Variants in CACNA1C observed in about 807,000 individuals in gnomAD.
The protein encoded by CACNA1C is voltage-dependent L-type calcium channel subunit alpha-1C.
A neutral mutation model predicts 229.0 loss-of-function variants in CACNA1C; 30 were observed. The observed-to-expected ratio is 0.13, with a 90% CI of 0.10 to 0.18. The LOEUF (loss-of-function observed/expected upper bound fraction) is 0.18. CACNA1C is among the 10% of genes least tolerant of loss of function. CACNA1C has a pLI of 1.00. For synonymous variants in CACNA1C, 1,114 were observed against 1,132.5 expected (o/e 0.98, Z 0.33); for missense variants, 1,658 against 2,845.0 (o/e 0.58, Z 9.49).
At chr12:2,375,546 TC>T (rs550067977) in intron 3 of CACNA1C, among the ~76,000 whole-genome samples, 201 of 152,312 alleles carry the variant, frequency 1.3e-3, no homozygotes, top group Middle Eastern at 3.4e-3. Context: ...TTTACAAAGC[TC>T]TTCCTTGATG....
At chr12:2,418,662 T>C (rs1457249787) in intron 3 of CACNA1C, among the ~76,000 whole-genome samples, 1 of 152,102 alleles carries the variant, frequency 6.6e-6, no homozygotes, top group African/African-American at 2.4e-5. Flanking sequence ...CTCCAGCAAG[T>C]AAAATGAGTT....
At chr12:2,091,770 AG>A (rs2071208259) in intron 1 of CACNA1C, among the ~76,000 whole-genome samples, 1 of 152,242 alleles carries the variant, frequency 6.6e-6, no homozygotes, top group South Asian at 2.1e-4. Context: ...TGTGGAAGGC[AG>A]GGGTAAGAGC....
At position 2,112,973 on chromosome 12, in the gene CACNA1C, C is replaced by T. The variant is rs567413842; in HGVS notation, c.50-2251C>T. Among the ~76,000 whole-genome samples the T allele has an allele frequency of 8.6e-4, 131 of 152,308 alleles. 1 individual carries two copies. Among genetic ancestry groups the T allele is most frequent in the African/African-American group, 2.5e-3 (104 of 41,556 alleles). ...CTACCAAGCATATTAGCTCGTTTTT[C>T]GGTTGCAAGGGACAGAGACCCAATT... On this transcript the variant is annotated intron_variant, in intron 1 of 46. Transcript: ENST00000399655.
At chr12:2,139,773 G>A (rs533209025) in intron 3 of CACNA1C, among the ~76,000 whole-genome samples, 1 of 151,318 alleles carries the variant, frequency 6.6e-6, no homozygotes, top group East Asian at 1.9e-4. Context: ...TCCTCTGCCC[G>A]CTGGCCTCAG....
intron 1 of CACNA1C, among the ~76,000 whole-genome samples, chr12:2,047,158 A>G (rs921544942): frequency 6.6e-6 from 1 of 152,222 alleles, no homozygotes; most frequent in Non-Finnish European, 1.5e-5. Flanking sequence ...TTGCTGACAA[A>G]GCAATCTTCC....
chr12:2,213,662 T>C (rs1349838375), intron 3 of CACNA1C, among the ~76,000 whole-genome samples: 1 of 152,220 alleles, frequency 6.6e-6, no homozygotes, highest in East Asian at 1.9e-4. Flanking sequence ...TGGAGCTATC[T>C]TTCTGGCCAT....
chr12:2,355,578 A>G (rs1425815352), intron 3 of CACNA1C, among the ~76,000 whole-genome samples: 2 of 152,180 alleles, frequency 1.3e-5, no homozygotes, highest in African/African-American at 2.4e-5. Context: ...CCCAGCCCAA[A>G]TGTCACTTTG....
Position 2,608,676 on chromosome 12 carries a change from G to A in CACNA1C, c.3522G>A (p.Glu1174=), listed in dbSNP as rs779571274. ...FVIVTFQEQG[E]QEYKNCELDK... is the part of the protein sequence containing the mutation. Reference sequence around the variant, plus strand: ...TCGTCACCTTTCAGGAGCAGGGGGAGCAGGAGTACAAGAACTGTGAGCTGG... The same window carrying A: ...TCGTCACCTTTCAGGAGCAGGGGGAACAGGAGTACAAGAACTGTGAGCTGG... The change falls in exon 27 of 47, where the codon GAG becomes GAA. Residue 1174 remains glutamate, a synonymous_variant. Transcript: ENST00000399655. This position sits in a 1 kb window ranked among gnomAD's most constrained non-coding sequence, Gnocchi z 4.2. 3 of 1,614,200 alleles carry A rather than the reference G, an allele frequency of 1.9e-6. No individual in the cohort carries two copies. The highest frequency in any genetic ancestry group is 2.2e-5 in the East Asian group (1 of 44,882).
rs537260718 is a variant in CACNA1C, at chr12:2,159,511, A to T, written c.477+39081A>T. On this transcript the variant is annotated intron_variant, in intron 3 of 46. Coordinates refer to ENST00000399655, the MANE Select transcript of CACNA1C (RefSeq NM_000719.7). Reference sequence around the variant, plus strand: ...CCTGTCAATAAATAAATAAATAAATAAATTAAATGTATGCATAAGAGATAA... The same window carrying T: ...CCTGTCAATAAATAAATAAATAAATTAATTAAATGTATGCATAAGAGATAA... Among the ~76,000 whole-genome samples the T allele has an allele frequency of 1.2e-3, 184 of 152,096 alleles. 2 individuals are homozygous for T. The highest frequency in any genetic ancestry group is 3.4e-3 in the Middle Eastern group (1 of 294).
intron 3 of CACNA1C, among the ~76,000 whole-genome samples, chr12:2,318,726 A>C (rs1296167453): frequency 6.6e-6 from 1 of 152,144 alleles, no homozygotes. Flanking sequence ...TAGGTACCAA[A>C]GAAAGAGAAT....
chr12:1,980,511 T>C (rs1009254113), intron 1 of CACNA1C, among the ~76,000 whole-genome samples: 3 of 151,962 alleles, frequency 2.0e-5, no homozygotes, highest in African/African-American at 7.2e-5. Context: ...TCTCAATATG[T>C]TTTCCCAGTC....
intron 3 of CACNA1C, among the ~76,000 whole-genome samples, chr12:2,288,487 T>G (rs1444929870): frequency 6.6e-6 from 1 of 152,218 alleles, no homozygotes; most frequent in South Asian, 2.1e-4. Flanking sequence ...CAACCCCATT[T>G]TCCCTCTGAG....
upstream of CACNA1C, among the ~76,000 whole-genome samples, chr12:2,052,367 C>G (rs907938168): frequency 1.3e-5 from 2 of 152,038 alleles, no homozygotes; most frequent in Admixed American, 1.3e-4. Context: ...TATAATTGAT[C>G]AAACAGAATC....
intron 38 of CACNA1C, among the ~76,000 whole-genome samples, chr12:2,672,993 T>C (rs2096631524): frequency 6.6e-6 from 1 of 152,166 alleles, no homozygotes; most frequent in Non-Finnish European, 1.5e-5. Flanking sequence ...CGGGATTCCG[T>C]CAATCCCTCT....
chr12:2,318,974 C>T (rs1203204242), intron 3 of CACNA1C, among the ~76,000 whole-genome samples: 6 of 151,982 alleles, frequency 3.9e-5, no homozygotes, highest in African/African-American at 1.5e-4. Flanking sequence ...CCTCTAAATC[C>T]TCAGGAAAAG....
At chr12:2,459,169 G>GT (rs59909090) in intron 5 of CACNA1C, among the ~76,000 whole-genome samples, 261 of 109,398 alleles carry the variant, frequency 2.4e-3, no homozygotes, top group Middle Eastern at 5.4e-3. Flanking sequence ...TTTTGTGTGT[G>GT]TTTTTTTTTT....
intron 1 of CACNA1C, among the ~76,000 whole-genome samples, chr12:1,984,735 T>C (rs2037152113): frequency 7.1e-6 from 1 of 140,222 alleles, no homozygotes; most frequent in South Asian, 2.3e-4. Context: ...CCTTCCAGCC[T>C]GAAGAATTTC....
At chr12:2,405,209 C>G (rs1194260646) in intron 3 of CACNA1C, among the ~76,000 whole-genome samples, 2 of 152,104 alleles carry the variant, frequency 1.3e-5, no homozygotes, top group Admixed American at 1.3e-4. Context: ...GAGGCAGTGC[C>G]CTTCACCCAG....
intron 1 of CACNA1C, among the ~76,000 whole-genome samples, chr12:2,105,660 GGC>G (rs1251785583): frequency 4.1e-4 from 44 of 106,982 alleles, no homozygotes; most frequent in African/African-American, 1.5e-3. Flanking sequence ...ACCTCAGCTG[GGC>G]ATCCTGAAGC....
Sources: gnomAD v4.1 joint callset for allele counts (sites outside exome capture counted in the v4.1 genomes callset) on GRCh38, gnomAD v4.1.1 for gene constraint, Gnocchi (gnomAD v3.1) non-coding constraint, MANE v1.5 for transcripts, NCBI Gene and HGNC (gene_info 2026-07-23, HGNC 2026-07-21) for gene names.